The following RHOQ variants were observed in gnomAD, a reference collection of about 807,000 sequenced individuals.
RHOQ encodes the protein rho-related GTP-binding protein RhoQ.
RHOQ carries 7 observed loss-of-function variants against 25.8 expected under a neutral mutation model. The observed-to-expected ratio is 0.27, with a 90% CI of 0.15 to 0.51. The LOEUF is 0.51. RHOQ is among the 20% of genes least tolerant of loss of function. The pLI, the probability that RHOQ is intolerant of heterozygous loss-of-function variation, is 0.97. For synonymous variants in RHOQ, 97 were observed against 98.6 expected (o/e 0.98, Z 0.10); for missense variants, 165 against 260.6 (o/e 0.63, Z 2.53).
chr2:46,558,826 T>C (rs1162785346), intron 2 of RHOQ, among the ~76,000 whole-genome samples: 1 of 152,214 alleles, frequency 6.6e-6, no homozygotes, highest in African/African-American at 2.4e-5. Flanking sequence ...TGGGGAGAAA[T>C]AGAAACTTCC....
chr2:46,572,107 G>GGTTTT (rs1668937347), intron 2 of RHOQ, among the ~76,000 whole-genome samples: 1 of 66,252 alleles, frequency 1.5e-5, no homozygotes, highest in African/African-American at 8.4e-5. Flanking sequence ...GTAAGTGTGT[G>GGTTTT]TTTTTTTTTT....
Position 46,543,055 on chromosome 2 carries a change from C to T in RHOQ, c.9C>T (p.His3=), listed in dbSNP as rs771383453. Reference sequence around the variant, plus strand: ...GGCCGGCCGGCAGCAGCATGGCTCACGGGCCCGGCGCGCTGATGCTCAAGT... The same window carrying T: ...GGCCGGCCGGCAGCAGCATGGCTCATGGGCCCGGCGCGCTGATGCTCAAGT... MA[H]GPGALMLKCV... The change falls in exon 1 of 5, where the codon CAC becomes CAT. Residue 3 remains histidine (H), a synonymous_variant. Coordinates refer to ENST00000238738, the MANE Select transcript of RHOQ (RefSeq NM_012249.4). The T allele has an allele frequency of 5.6e-6, 9 of 1,598,038 alleles. No homozygotes were observed. Among genetic ancestry groups the T allele is most frequent in the African/African-American group, 2.7e-5 (2 of 73,084 alleles).
intron 2 of RHOQ, among the ~76,000 whole-genome samples, chr2:46,551,618 T>C (rs1344321437): frequency 6.6e-6 from 1 of 152,214 alleles, no homozygotes; most frequent in Non-Finnish European, 1.5e-5. Flanking sequence ...AATCTGGTGC[T>C]GTGTTGCTGG....
intron 2 of RHOQ, among the ~76,000 whole-genome samples, chr2:46,562,136 G>A (rs1394771845): frequency 6.6e-6 from 1 of 152,150 alleles, no homozygotes; most frequent in African/African-American, 2.4e-5. Flanking sequence ...CAGGGACCTA[G>A]CCGGTTCCTA....
intron 2 of RHOQ, chr2:46,560,501 T>C (rs1668541059): frequency 2.2e-6 from 1 of 449,150 alleles, no homozygotes; most frequent in African/African-American, 2.0e-5. Flanking sequence ...GATGAATTAA[T>C]AAAGAAGTTG....
chr2:46,550,998 C>G (rs1668222871), intron 2 of RHOQ, among the ~76,000 whole-genome samples: 1 of 152,112 alleles, frequency 6.6e-6, no homozygotes, highest in African/African-American at 2.4e-5. Flanking sequence ...TTTGGAAGAT[C>G]TAGGCTTGCA....
In RHOQ at chr2:46,581,453, A is replaced by G; in HGVS notation, c.*370A>G. 6.2e-7 allele frequency: 1 copy of G among 1,605,646 alleles called. No homozygotes were observed. The highest frequency in any genetic ancestry group is 8.5e-7 in the Non-Finnish European group (1 of 1,176,368). On this transcript the variant is annotated 3_prime_UTR_variant, in exon 5 of 5. Transcript: ENST00000238738. ...TGCCCAGCCCTTACAGAATCTGCAC[A>G]AAGAAATATCTCCCTTTGCTCCAGT...
In RHOQ at chr2:46,583,129, G is replaced by A. The variant is rs1178079615; in HGVS notation, c.*2046G>A. On this transcript the variant is annotated 3_prime_UTR_variant, in exon 5 of 5. Coordinates refer to ENST00000238738, the MANE Select transcript of RHOQ (RefSeq NM_012249.4). ...TACACATTTCCAACTTGCCTTTGGG[G>A]ATTTATGAGGATTTTTTTTGGTGGG... 1 of 152,060 alleles carries A rather than the reference G, an allele frequency of 6.6e-6. No individual in the cohort carries two copies. The highest frequency in any genetic ancestry group is 6.6e-5 in the Admixed American group (1 of 15,262). The allele number at this position is 152,060 out of a possible 1,614,324, so 9.4% of individuals were successfully genotyped here.
At chr2:46,575,928 A>C (rs985592140) in intron 2 of RHOQ, among the ~76,000 whole-genome samples, 159 bp from the exon 3 acceptor site, 2 of 152,228 alleles carry the variant, frequency 1.3e-5, no homozygotes, top group Non-Finnish European at 2.9e-5. Context: ...CACAAAGAAG[A>C]ATAACAAAAA....
At chr2:46,567,734 T>C (rs1668779429) in intron 2 of RHOQ, among the ~76,000 whole-genome samples, 1 of 152,068 alleles carries the variant, frequency 6.6e-6, no homozygotes, top group Admixed American at 6.6e-5. Flanking sequence ...TCTTTCTCCT[T>C]CAATGTGGAC....
At chr2:46,551,850 C>G (rs1668251484) in intron 2 of RHOQ, among the ~76,000 whole-genome samples, 1 of 152,198 alleles carries the variant, frequency 6.6e-6, no homozygotes, top group African/African-American at 2.4e-5. Context: ...CTGGTACCGC[C>G]TTGAGTTCCC....
intron 2 of RHOQ, among the ~76,000 whole-genome samples, chr2:46,574,028 G>C (rs1669023604): frequency 1.3e-5 from 2 of 152,212 alleles, no homozygotes; most frequent in Non-Finnish European, 2.9e-5. Context: ...GGACTCAGGG[G>C]ACCCTGCGTG....
chr2:46,580,893 T>C (rs758740647), intron 4 of RHOQ, 35 bp from the exon 5 acceptor site: 33 of 1,425,010 alleles, frequency 2.3e-5, no homozygotes, highest in Non-Finnish European at 3.0e-5. Flanking sequence ...ATAAACATGA[T>C]CTTATATATT....
rs1669396031 is a variant in RHOQ, at chr2:46,581,915, T to A, written c.*832T>A. On this transcript the variant is annotated 3_prime_UTR_variant, in exon 5 of 5. Transcript: ENST00000238738. ...ATAGACTCAATTTAGCTCTCTGAAC[T>A]AGTTGGTAATTTTTTTTTTTTAATT... 4.8e-6 allele frequency: 1 copy of A among 210,338 alleles called. No individual in the cohort carries two copies. The highest frequency in any genetic ancestry group is 1.3e-4 in the East Asian group (1 of 7,658). 13.0% of individuals were successfully genotyped at this position (210,338 alleles called of 1,614,324 possible).
In RHOQ at chr2:46,569,099, A is replaced by C. The variant is rs1358190774; in HGVS notation, c.202-6988A>C. 1 of 152,254 alleles carries C rather than the reference A, an allele frequency of 6.6e-6. No homozygotes were observed. The highest frequency in any genetic ancestry group is 1.5e-5 in the Non-Finnish European group (1 of 68,056). The allele number at this position is 152,254 out of a possible 1,614,324, so 9.4% of individuals were successfully genotyped here. On this transcript the variant is annotated intron_variant, in intron 2 of 4. Transcript: ENST00000238738. This position sits in a 1 kb window ranked among gnomAD's most constrained non-coding sequence, Gnocchi z 4.1. Reference sequence around the variant, plus strand: ...TCACCTCACCATGCACAGAAGAAATAGCACTGGCTCCGAAGTTGTGGTTTG... The same window carrying C: ...TCACCTCACCATGCACAGAAGAAATCGCACTGGCTCCGAAGTTGTGGTTTG...
In RHOQ at chr2:46,576,554, T is replaced by G. The variant is rs1669135817; in HGVS notation, c.367-7T>G. The G allele has an allele frequency of 6.4e-7, 1 of 1,559,252 alleles. No homozygotes were observed. The highest frequency in any genetic ancestry group is 2.2e-5 in the East Asian group (1 of 44,496). The stretch of plus-strand genomic sequence containing the variant: ...ATTATGGGACATTATTGACCTTTCT[T>G]AATTAGATTGATCTCCGAGATGACC... On this transcript the variant is annotated splice_region_variant and splice_polypyrimidine_tract_variant and intron_variant, in intron 3 of 4. Coordinates refer to ENST00000238738, the MANE Select transcript of RHOQ (RefSeq NM_012249.4). The surrounding 1 kb of genome is among the most constrained non-coding windows in gnomAD (Gnocchi z 5.1).
chr2:46,550,811 T>C (rs1372058364), intron 2 of RHOQ, among the ~76,000 whole-genome samples: 1 of 152,194 alleles, frequency 6.6e-6, no homozygotes, highest in Non-Finnish European at 1.5e-5. Context: ...CTCTGGGGGC[T>C]TCACACTGGC....
chr2:46,577,925 C>G (rs1345687598), intron 4 of RHOQ, among the ~76,000 whole-genome samples: 1 of 152,044 alleles, frequency 6.6e-6, no homozygotes, highest in Non-Finnish European at 1.5e-5. Flanking sequence ...AATGATTTCA[C>G]TGCATAAAAA....
At chr2:46,549,973 T>A (rs886967025) in intron 2 of RHOQ, among the ~76,000 whole-genome samples, 8 of 152,188 alleles carry the variant, frequency 5.3e-5, no homozygotes, top group Non-Finnish European at 8.8e-5. Flanking sequence ...TTGTCTGTAA[T>A]CTCAGTACTT....
Sources: allele counts gnomAD v4.1 joint callset (sites outside exome capture counted in the v4.1 genomes callset), GRCh38; gene constraint gnomAD v4.1.1; non-coding constraint Gnocchi (gnomAD v3.1); transcripts MANE v1.5; gene names NCBI Gene and HGNC (gene_info 2026-07-23, HGNC 2026-07-21).